B4GALT1: variants seen among roughly 807,000 people sequenced by gnomAD.
B4GALT1 encodes the protein beta-1,4-galactosyltransferase 1, also known as N-acetyllactosamine synthase.
A neutral mutation model predicts 34.9 loss-of-function variants in B4GALT1; 16 were observed. The observed-to-expected ratio is 0.46, with a 90% CI of 0.31 to 0.70. The LOEUF is 0.70. Among genes scored for constraint, B4GALT1 ranks in the 30% least tolerant of loss-of-function variants. B4GALT1 has a pLI of 0.05. For synonymous variants in B4GALT1, 221 were observed against 218.1 expected (o/e 1.01, Z -0.12); for missense variants, 445 against 530.5 (o/e 0.84, Z 1.58).
chr9:33,170,913 T>G (rs949650158), upstream of B4GALT1, among the ~76,000 whole-genome samples: 5 of 152,246 alleles, frequency 3.3e-5, no homozygotes, highest in Non-Finnish European at 5.9e-5. Flanking sequence ...CAGTGCTGAT[T>G]GGCCAAAAGC....
At chr9:33,153,336 G>A (rs531161821) in intron 1 of B4GALT1, among the ~76,000 whole-genome samples, 1 of 151,952 alleles carries the variant, frequency 6.6e-6, no homozygotes, top group African/African-American at 2.4e-5. Context: ...ACCAGAAAAA[G>A]CAAACTTAAC....
rs1400659626 is a variant in B4GALT1, at chr9:33,112,053, C to G, written c.*1401G>C. 1 of 152,656 alleles carries G rather than the reference C, an allele frequency of 6.6e-6. No homozygotes were observed. Among genetic ancestry groups the G allele is most frequent in the African/African-American group, 2.4e-5 (1 of 41,380 alleles). 9.5% of individuals were successfully genotyped at this position (152,656 alleles called of 1,614,324 possible). A position where few individuals can be genotyped will look rare whatever the true frequency, so the allele number is the denominator to read the frequency against. ...AGTGCCACAGTCAAGTTTTAGGGGACAGGCAAGAGGCAAAGGAACAAAAAG... is the reference window on the plus strand; with the variant it reads ...AGTGCCACAGTCAAGTTTTAGGGGAGAGGCAAGAGGCAAAGGAACAAAAAG... On this transcript the variant is annotated 3_prime_UTR_variant, in exon 6 of 6. Coordinates refer to ENST00000379731, the MANE Select transcript of B4GALT1 (RefSeq NM_001497.4).
upstream of B4GALT1, among the ~76,000 whole-genome samples, chr9:33,168,295 G>A (rs1373157621): frequency 6.6e-6 from 1 of 152,222 alleles, no homozygotes; most frequent in Non-Finnish European, 1.5e-5. Context: ...GGCTGTGTGG[G>A]TGAGAGACTT....
intron 2 of B4GALT1, among the ~76,000 whole-genome samples, chr9:33,130,503 C>G (rs1250987237): frequency 9.6e-6 from 1 of 104,064 alleles, no homozygotes; most frequent in Non-Finnish European, 1.9e-5. Flanking sequence ...AAGAGCAACT[C>G]TTGTTCTTCT....
At chr9:33,121,018 C>G (rs1276079320) in intron 2 of B4GALT1, among the ~76,000 whole-genome samples, 1 of 152,216 alleles carries the variant, frequency 6.6e-6, no homozygotes, top group Non-Finnish European at 1.5e-5. Context: ...TTTATACACA[C>G]TATAAATAAA....
intron 3 of B4GALT1, 89 bp from the exon 4 acceptor site, chr9:33,116,202 T>A: frequency 6.8e-7 from 1 of 1,474,064 alleles, no homozygotes; most frequent in Non-Finnish European, 9.3e-7. Flanking sequence ...ATAAACACTT[T>A]TAAAGTTATT....
chr9:33,176,599 C>T, the B4GALT1 span, among the ~76,000 whole-genome samples: 1 of 152,124 alleles, frequency 6.6e-6, no homozygotes, highest in African/African-American at 2.4e-5. Context: ...CAAATTAATG[C>T]AGGAACAGAA....
At position 33,167,302 on chromosome 9, in the gene B4GALT1, A is replaced by T; in HGVS notation, c.-133T>A. On this transcript the variant is annotated 5_prime_UTR_variant, in exon 1 of 6. Transcript: ENST00000379731. ...GAGCGGGGGCGGGCGAGCGGCTGAG[A>T]GCTGAGACTCCTCCAGCCAGCCAGA... The T allele has an allele frequency of 8.4e-7, 1 of 1,186,636 alleles. No homozygotes were observed. The highest frequency in any genetic ancestry group is 1.9e-5 in the South Asian group (1 of 53,742). The allele number at this position is 1,186,636 out of a possible 1,614,324, so 73.5% of individuals were successfully genotyped here. A position where few individuals can be genotyped will look rare whatever the true frequency, so the allele number is the denominator to read the frequency against.
At position 33,116,009 on chromosome 9, in the gene B4GALT1, T is replaced by C. The variant is rs141028770; in HGVS notation, c.941A>G (p.Asp314Gly). The change falls in exon 4 of 6, where the codon GAT becomes GGT. Residue 314 changes from aspartate (D) to glycine (G), a missense_variant. Asp to Gly is a moderately conservative substitution (Grantham distance 94). Around this residue, in one of 3 missense-constraint regions of B4GALT1, gnomAD observed 7 missense variants for 27.4 expected, o/e 0.26. Transcript: ENST00000379731. ...PNNYWGWGGEDDDIFNRLVFR... is the reference protein window; with the variant it reads ...PNNYWGWGGEGDDIFNRLVFR... Reference sequence around the variant, plus strand: ...CCATTACCTGTTAAAAATGTCATCATCTTCTCCTCCCCAGCCCCAATAATT... The same window carrying C: ...CCATTACCTGTTAAAAATGTCATCACCTTCTCCTCCCCAGCCCCAATAATT... 4 of 1,612,366 alleles carry C rather than the reference T, an allele frequency of 2.5e-6. No individual in the cohort carries two copies. The highest frequency in any genetic ancestry group is 2.2e-5 in the East Asian group (1 of 44,826).
At chr9:33,167,540 C>T (rs1840788002), upstream of B4GALT1, among the ~76,000 whole-genome samples, 1 of 152,206 alleles carries the variant, frequency 6.6e-6, no homozygotes, top group Non-Finnish European at 1.5e-5. Flanking sequence ...GACTGCAGCT[C>T]CGACGCTTGG....
downstream of B4GALT1, among the ~76,000 whole-genome samples, chr9:33,108,200 CTGTTA>C (rs926446775): frequency 7.2e-5 from 11 of 152,106 alleles, no homozygotes; most frequent in Non-Finnish European, 7.4e-5. Flanking sequence ...GAAATAGGTT[CTGTTA>C]TAACTCCCAT....
intron 2 of B4GALT1, among the ~76,000 whole-genome samples, chr9:33,133,572 C>T (rs1013676395): frequency 9.2e-5 from 14 of 152,208 alleles, no homozygotes; most frequent in African/African-American, 3.4e-4. Flanking sequence ...TAAAGTGACC[C>T]GCATTTTGCA....
At chr9:33,123,301 A>AT (rs1840049119) in intron 2 of B4GALT1, among the ~76,000 whole-genome samples, 1 of 144,968 alleles carries the variant, frequency 6.9e-6, no homozygotes, top group African/African-American at 2.6e-5. Flanking sequence ...AAAAAAAAAA[A>AT]GTTCAAAGTT....
At chr9:33,146,898 G>T (rs919490744) in intron 1 of B4GALT1, among the ~76,000 whole-genome samples, 2 of 151,890 alleles carry the variant, frequency 1.3e-5, no homozygotes, top group African/African-American at 4.8e-5. Flanking sequence ...ACGGGGTTTC[G>T]CCATGTTGGC....
At chr9:33,131,592 A>C (rs553682711) in intron 2 of B4GALT1, among the ~76,000 whole-genome samples, 16 of 152,260 alleles carry the variant, frequency 1.1e-4, no homozygotes, top group African/African-American at 3.9e-4. Context: ...GTGTGTGTAC[A>C]TGTGTGTGCA....
chr9:33,122,307 T>C (rs550767885), intron 2 of B4GALT1, among the ~76,000 whole-genome samples: 44 of 152,018 alleles, frequency 2.9e-4, no homozygotes, highest in African/African-American at 1.0e-3. Context: ...CACTTGAGTC[T>C]AGGAGCTCGA....
intron 5 of B4GALT1, 23 bp from the exon 6 acceptor site, chr9:33,113,609 A>C: frequency 6.2e-7 from 1 of 1,614,204 alleles, no homozygotes. Context: ...GAGCACAAGG[A>C]GATTGTCTTA....
chr9:33,147,264 TC>T (rs1369765823), intron 1 of B4GALT1, among the ~76,000 whole-genome samples: 4 of 113,500 alleles, frequency 3.5e-5, no homozygotes, highest in Admixed American at 1.7e-4. Context: ...TTTTTTTTTT[TC>T]CCCCTGAGAT....
At chr9:33,104,657 C>T (rs1839780471) in exon 3 of B4GALT1, 5 of 439,934 alleles carry the variant, frequency 1.1e-5, no homozygotes, top group African/African-American at 2.0e-5. Context: ...ACAGCCCACA[C>T]AGCCAGCACG....
Sources: gnomAD v4.1 joint callset for allele counts (sites outside exome capture counted in the v4.1 genomes callset) on GRCh38, gnomAD v4.1.1 for gene constraint, gnomAD v4.1.1 regional missense constraint, MANE v1.5 for transcripts, NCBI Gene and HGNC (gene_info 2026-07-23, HGNC 2026-07-21) for gene names.